Variants in MED26 observed in about 807,000 individuals in gnomAD.
MED26 encodes mediator of RNA polymerase II transcription subunit 26.
A neutral mutation model predicts 43.7 loss-of-function variants in MED26; 7 were observed. That is an observed-to-expected ratio of 0.16 (90% CI 0.09 to 0.30). MED26 has a LOEUF of 0.30. MED26 is among the 10% of genes least tolerant of loss of function. The pLI, the probability that MED26 is intolerant of heterozygous loss-of-function variation, is 1.00. For synonymous variants in MED26, 375 were observed against 371.1 expected (o/e 1.01, Z -0.12); for missense variants, 784 against 840.6 (o/e 0.93, Z 0.83).
chr19:16,589,951 C>T (rs2086088261), intron 1 of MED26, among the ~76,000 whole-genome samples: 1 of 152,230 alleles, frequency 6.6e-6, no homozygotes, highest in South Asian at 2.1e-4. Context: ...GGTCTGAAAA[C>T]AGCTTCAACA....
rs1366635273 is a variant in MED26, at chr19:16,578,426, C to T, written c.73-17G>A. 2 of 1,613,232 alleles carry T rather than the reference C, an allele frequency of 1.2e-6. No individual in the cohort carries two copies. Among genetic ancestry groups the T allele is most frequent in the South Asian group, 1.1e-5 (1 of 90,974 alleles). ...GTTCCGGATCTGTGGAAATAAAAAG[C>T]CATTTGTCAGGTCCCTGTCCTTCTC... On this transcript the variant is annotated splice_polypyrimidine_tract_variant and intron_variant, in intron 1 of 2. Coordinates refer to ENST00000263390, the MANE Select transcript of MED26 (RefSeq NM_004831.5).
At chr19:16,613,411 C>T (rs1172853182) in intron 1 of MED26, among the ~76,000 whole-genome samples, 1 of 152,140 alleles carries the variant, frequency 6.6e-6, no homozygotes, top group Non-Finnish European at 1.5e-5. Context: ...GAGGCCGTGT[C>T]TGGCTGGGGA....
At chr19:16,585,231 C>T (rs934870817) in intron 1 of MED26, among the ~76,000 whole-genome samples, 2 of 152,164 alleles carry the variant, frequency 1.3e-5, no homozygotes, top group African/African-American at 4.8e-5. Context: ...CTGTCCATCC[C>T]GGTCCGACTC....
At position 16,621,132 on chromosome 19, in the gene MED26, T is replaced by C. The variant is rs528029931; in HGVS notation, c.72+6740A>G. ...CAGCTTCCATGCTGGGCACCACCGA[T>C]GTGGGAAGCGGAAGACTGTCGTAGT... On this transcript the variant is annotated intron_variant, in intron 1 of 2. Coordinates refer to ENST00000263390, the MANE Select transcript of MED26 (RefSeq NM_004831.5). Among the ~76,000 whole-genome samples the C allele has an allele frequency of 1.3e-4, 20 of 152,254 alleles. No individual in the cohort carries two copies. The South Asian group carries it at 3.9e-3, about 30-fold the overall frequency.
intron 1 of MED26, among the ~76,000 whole-genome samples, chr19:16,616,547 G>A (rs1336251483): frequency 6.6e-6 from 1 of 152,150 alleles, no homozygotes; most frequent in Non-Finnish European, 1.5e-5. Context: ...CTCCAGGATG[G>A]CCCTAAGGTG....
chr19:16,598,118 T>C (rs1221876985), intron 1 of MED26, among the ~76,000 whole-genome samples: 1 of 150,894 alleles, frequency 6.6e-6, no homozygotes, highest in African/African-American at 2.4e-5. Context: ...GTGGATCACC[T>C]GAGGTCAGGA....
chr19:16,624,174 G>C (rs2086263537), intron 1 of MED26: 1 of 151,860 alleles, frequency 6.6e-6, no homozygotes, highest in African/African-American at 2.4e-5. Context: ...TCTAGGATCT[G>C]AACTTAGATC....
intron 1 of MED26, among the ~76,000 whole-genome samples, chr19:16,600,962 C>T (rs900161289): frequency 7.3e-5 from 11 of 150,800 alleles, no homozygotes; most frequent in African/African-American, 9.7e-5. Flanking sequence ...GGTGTGGTGG[C>T]GCACGCCTGT....
intron 1 of MED26, among the ~76,000 whole-genome samples, chr19:16,585,996 C>A (rs1013650507): frequency 6.6e-6 from 1 of 152,222 alleles, no homozygotes; most frequent in African/African-American, 2.4e-5. Context: ...AAACAAGGAA[C>A]TGAGACTGAG....
chr19:16,584,290 C>A (rs760478800), intron 1 of MED26, among the ~76,000 whole-genome samples: 1 of 146,830 alleles, frequency 6.8e-6, no homozygotes, highest in Non-Finnish European at 1.5e-5. Flanking sequence ...GAAACCCAAA[C>A]ACTGCCCCCC....
intron 1 of MED26, among the ~76,000 whole-genome samples, chr19:16,596,349 A>C (rs1297621541): frequency 6.6e-6 from 1 of 152,244 alleles, no homozygotes; most frequent in East Asian, 1.9e-4. Flanking sequence ...CTGCACAGGT[A>C]TGGCAGTGTG....
chr19:16,595,893 A>C (rs1489589017), intron 1 of MED26, among the ~76,000 whole-genome samples: 2 of 152,242 alleles, frequency 1.3e-5, no homozygotes. Context: ...TACTGGAATG[A>C]ACATCTTCAA....
intron 1 of MED26, among the ~76,000 whole-genome samples, chr19:16,583,393 G>T (rs1568280848): frequency 6.6e-6 from 1 of 152,200 alleles, no homozygotes; most frequent in South Asian, 2.1e-4. Context: ...CATCAACGAA[G>T]ACAGGCGTTG....
At chr19:16,602,704 A>C (rs2086155444) in intron 1 of MED26, among the ~76,000 whole-genome samples, 1 of 152,254 alleles carries the variant, frequency 6.6e-6, no homozygotes, top group Admixed American at 6.5e-5. Flanking sequence ...AACAACACAG[A>C]TGAAGACTGA....
intron 1 of MED26, among the ~76,000 whole-genome samples, chr19:16,619,623 T>A (rs1052732899): frequency 6.6e-6 from 1 of 150,774 alleles, no homozygotes; most frequent in African/African-American, 2.4e-5. Flanking sequence ...TGCCAGGGCC[T>A]GGGAGTGCTG....
chr19:16,597,078 G>A, intron 1 of MED26, among the ~76,000 whole-genome samples: 1 of 152,186 alleles, frequency 6.6e-6, no homozygotes. Context: ...CACCAAGCCT[G>A]AGCCCGAGCA....
At chr19:16,589,730 T>C (rs560951087) in intron 1 of MED26, among the ~76,000 whole-genome samples, 4 of 152,316 alleles carry the variant, frequency 2.6e-5, no homozygotes, top group South Asian at 4.1e-4. Flanking sequence ...AACTTGGGAC[T>C]TGTACACTTT....
chr19:16,615,906 T>A (rs968301803), intron 1 of MED26, among the ~76,000 whole-genome samples: 2 of 152,188 alleles, frequency 1.3e-5, no homozygotes, highest in Non-Finnish European at 1.5e-5. Flanking sequence ...TCCTCTTCCA[T>A]TCAAGTCTCC....
At chr19:16,594,227 AG>A (rs1407912375) in intron 1 of MED26, among the ~76,000 whole-genome samples, 2 of 152,236 alleles carry the variant, frequency 1.3e-5, no homozygotes, top group African/African-American at 4.8e-5. Flanking sequence ...GGCACACTCA[AG>A]GGCCACCAGG....
Sources: allele counts gnomAD v4.1 joint callset (sites outside exome capture counted in the v4.1 genomes callset), GRCh38; gene constraint gnomAD v4.1.1; transcripts MANE v1.5; gene names NCBI Gene and HGNC (gene_info 2026-07-23, HGNC 2026-07-21).